Variants in APP observed in about 807,000 individuals in gnomAD.
APP encodes amyloid beta precursor protein, also known as amyloid-beta precursor protein.
Under a neutral mutation model 101.4 loss-of-function variants are expected in APP, and 31 were observed. The ratio of observed to expected loss-of-function variants is 0.31; its 90% CI spans 0.23 to 0.41. The LOEUF (loss-of-function observed/expected upper bound fraction) is 0.41. APP is among the 10% of genes least tolerant of loss of function. The pLI is 1.00. For synonymous variants in APP, 366 were observed against 364.4 expected (o/e 1.00, Z -0.05); for missense variants, 839 against 1,003.7 (o/e 0.84, Z 2.22).
intron 8 of APP, among the ~76,000 whole-genome samples, chr21:25,985,446 A>G (rs2042602205): frequency 6.6e-6 from 1 of 152,196 alleles, no homozygotes; most frequent in Non-Finnish European, 1.5e-5. Flanking sequence ...AGGGCAGAGG[A>G]TGGAGCAGTT....
intron 6 of APP, among the ~76,000 whole-genome samples, chr21:26,017,198 CAAAAAAA>C (rs35206910): frequency 1.8e-5 from 1 of 56,364 alleles, no homozygotes; most frequent in Non-Finnish European, 3.1e-5. Context: ...GACTGTATCT[CAAAAAAA>C]AAAAAAAAAA....
intron 5 of APP, among the ~76,000 whole-genome samples, chr21:26,046,090 C>A (rs1301387363): frequency 1.3e-5 from 2 of 151,844 alleles, no homozygotes; most frequent in African/African-American, 4.8e-5. Flanking sequence ...GAAAGACTTG[C>A]CCCCATGATT....
chr21:26,168,778 G>A (rs1309103200), intron 1 of APP, among the ~76,000 whole-genome samples: 6 of 152,116 alleles, frequency 3.9e-5, no homozygotes, highest in African/African-American at 1.4e-4. Context: ...TTAAAACATG[G>A]AAAACGAAAT....
At chr21:25,988,282 T>C (rs1282397007) in intron 8 of APP, among the ~76,000 whole-genome samples, 1 of 152,162 alleles carries the variant, frequency 6.6e-6, no homozygotes, top group Admixed American at 6.5e-5. Flanking sequence ...TGTACAGCCT[T>C]AAAGCCACAG....
chr21:26,066,355 T>C (rs2046452722), intron 3 of APP, among the ~76,000 whole-genome samples: 1 of 152,170 alleles, frequency 6.6e-6, no homozygotes, highest in Non-Finnish European at 1.5e-5. Context: ...AATTATACAG[T>C]TTAGTGTTAA....
intron 1 of APP, among the ~76,000 whole-genome samples, chr21:26,151,832 G>C (rs2063276939): frequency 6.6e-6 from 1 of 152,122 alleles, no homozygotes; most frequent in South Asian, 2.1e-4. Flanking sequence ...CCACAGACCG[G>C]TACCAGTCCA....
intron 11 of APP, among the ~76,000 whole-genome samples, chr21:25,961,233 G>A (rs1054325398): frequency 1.3e-5 from 2 of 152,022 alleles, no homozygotes; most frequent in African/African-American, 2.4e-5. Context: ...AAGCTGTCTC[G>A]CCTTTCCAGA....
intron 3 of APP, among the ~76,000 whole-genome samples, chr21:26,058,769 C>T (rs2046141597): frequency 6.6e-6 from 1 of 151,972 alleles, no homozygotes; most frequent in Non-Finnish European, 1.5e-5. Context: ...GACCCTACCT[C>T]TAAAAATAAA....
chr21:25,950,580 C>T (rs1310318838), intron 13 of APP, among the ~76,000 whole-genome samples: 1 of 152,094 alleles, frequency 6.6e-6, no homozygotes, highest in African/African-American at 2.4e-5. Context: ...TGGGGTTTCA[C>T]CATGTTGGCC....
intron 2 of APP, among the ~76,000 whole-genome samples, chr21:26,105,871 TGCAGCACTGG>T (rs1470434164): frequency 2.0e-5 from 3 of 152,222 alleles, no homozygotes; most frequent in African/African-American, 7.2e-5. Context: ...CCCACTGTGT[TGCAGCACTGG>T]GGTCATTCTT....
At chr21:26,164,013 G>A (rs1359308770) in intron 1 of APP, among the ~76,000 whole-genome samples, 1 of 152,170 alleles carries the variant, frequency 6.6e-6, no homozygotes, top group East Asian at 1.9e-4. Flanking sequence ...TTGGGAGGCC[G>A]AGGCAGGCGG....
chr21:25,952,251 CTTTATT>C (rs1367470937), intron 13 of APP, among the ~76,000 whole-genome samples: 2 of 146,908 alleles, frequency 1.4e-5, no homozygotes, highest in African/African-American at 5.0e-5. Context: ...GTAATATGTT[CTTTATT>C]TTTATTATAC....
chr21:25,880,677 C>T lies in APP; in HGVS notation c.*993G>A, dbSNP rs1490074682. 6.6e-6 allele frequency: 1 copy of T among 152,232 alleles called. No homozygotes were observed. The highest frequency in any genetic ancestry group is 1.5e-5 in the Non-Finnish European group (1 of 68,036). 9.4% of individuals were successfully genotyped at this position (152,232 alleles called of 1,614,324 possible). A position where few individuals can be genotyped will look rare whatever the true frequency, so the allele number is the denominator to read the frequency against. ...CTTATATTGCCACTTCCATTTTCAT[C>T]TTCTTTTGTATCATAAATGAAACTT... On this transcript the variant is annotated 3_prime_UTR_variant, in exon 18 of 18. Coordinates refer to ENST00000346798, the MANE Select transcript of APP (RefSeq NM_000484.4).
intron 2 of APP, among the ~76,000 whole-genome samples, chr21:26,096,680 G>C (rs1213585872): frequency 6.6e-6 from 1 of 152,230 alleles, no homozygotes; most frequent in Non-Finnish European, 1.5e-5. Flanking sequence ...GGGAGGCTGA[G>C]GTGGGAGGAC....
chr21:26,131,363 G>A (rs566628300), intron 1 of APP, among the ~76,000 whole-genome samples: 4 of 152,146 alleles, frequency 2.6e-5, no homozygotes, highest in African/African-American at 4.8e-5. Flanking sequence ...GTTTTCCAGC[G>A]AAATGCAACC....
intron 1 of APP, among the ~76,000 whole-genome samples, chr21:26,161,943 T>A (rs4817090): frequency 1.3e-5 from 2 of 151,942 alleles, no homozygotes; most frequent in East Asian, 1.9e-4. Flanking sequence ...AAAAAATCAA[T>A]AAATACAGTT....
intron 1 of APP, among the ~76,000 whole-genome samples, chr21:26,119,574 GT>G (rs1313387587): frequency 6.6e-6 from 1 of 152,130 alleles, no homozygotes; most frequent in Non-Finnish European, 1.5e-5. Flanking sequence ...TATTTAATGT[GT>G]ATTTTCTAGT....
intron 6 of APP, among the ~76,000 whole-genome samples, chr21:26,017,834 T>TACAA (rs1192253762): frequency 1.3e-5 from 2 of 152,214 alleles, no homozygotes; most frequent in Admixed American, 6.5e-5. Flanking sequence ...CTCAAATCGG[T>TACAA]AATGGCTTAT....
At chr21:26,103,219 G>A (rs1457520643) in intron 2 of APP, among the ~76,000 whole-genome samples, 1 of 152,178 alleles carries the variant, frequency 6.6e-6, no homozygotes, top group African/African-American at 2.4e-5. Flanking sequence ...AATTATCATG[G>A]CCTTTGCATT....
Sources: gnomAD v4.1 joint callset for allele counts (sites outside exome capture counted in the v4.1 genomes callset) on GRCh38, gnomAD v4.1.1 for gene constraint, MANE v1.5 for transcripts, NCBI Gene and HGNC (gene_info 2026-07-23, HGNC 2026-07-21) for gene names.